The following APOLD1 variants were observed in gnomAD, a reference collection of about 807,000 sequenced individuals.
The protein encoded by APOLD1 is apolipoprotein L domain containing 1.
Under a neutral mutation model 15.3 loss-of-function variants are expected in APOLD1, and 22 were observed. The observed-to-expected ratio is 1.44, with a 90% confidence interval of 1.03 to 2.05. The LOEUF (loss-of-function observed/expected upper bound fraction) is 2.05, where lower values mean the gene tolerates loss of function less well. Ranked by LOEUF, APOLD1 falls within the 30% of genes most tolerant of loss-of-function variation. The pLI is 0.00. For missense variants in APOLD1, 394 were observed against 353.5 expected, an observed-to-expected ratio of 1.11 and a Z score of -0.92; for synonymous variants, 190 against 167.4, an observed-to-expected ratio of 1.13 and a Z score of -1.04.
chr12:12,776,020 A>AAAC (rs1947030833), intron 1 of APOLD1, among the ~76,000 whole-genome samples: 1 of 150,860 alleles, frequency 6.6e-6, no homozygotes, highest in African/African-American at 2.4e-5. Flanking sequence ...AAAAAAAAAA[A>AAAC]AAAAAACACA....
In APOLD1 at chr12:12,769,072, A is replaced by T. The variant is rs1218443228; in HGVS notation, c.97-17837A>T. Among the ~76,000 whole-genome samples the T allele has an allele frequency of 5.3e-5, 8 of 151,746 alleles. No homozygotes were observed. The South Asian group carries it at 1.5e-3, about 28-fold the overall frequency. ...GCAAAACCCCATCTTTACCAACTATACAAAAATTAGCCAGTCGTGGTGGCA... is the reference window on the plus strand; with the variant it reads ...GCAAAACCCCATCTTTACCAACTATTCAAAAATTAGCCAGTCGTGGTGGCA... On this transcript the variant is annotated intron_variant, in intron 1 of 1. Coordinates refer to the APOLD1 transcript ENST00000326765.
chr12:12,736,307 C>T (rs1056844669), intron 1 of APOLD1, among the ~76,000 whole-genome samples: 87 of 152,118 alleles, frequency 5.7e-4, no homozygotes, highest in African/African-American at 2.0e-3. Flanking sequence ...GCCAAGATCA[C>T]GCCACTGCAC....
chr12:12,776,297 C>G (rs1366044400), intron 1 of APOLD1, among the ~76,000 whole-genome samples: 1 of 152,100 alleles, frequency 6.6e-6, no homozygotes, highest in Non-Finnish European at 1.5e-5. Flanking sequence ...TCTGTAGATA[C>G]AAAACAAGCA....
rs763049091 is a variant in APOLD1 at position 12,787,663 on chromosome 12, T to TC, written c.*16dup. 1.3e-6 allele frequency: 2 copies of TC among 1,572,040 alleles called. No homozygotes were observed. Among genetic ancestry groups the TC allele is most frequent in the South Asian group, 2.3e-5 (2 of 87,598 alleles). On this transcript the variant is annotated 3_prime_UTR_variant, in exon 2 of 2. Transcript: ENST00000356591. This position sits in a 1 kb window ranked among gnomAD's most constrained non-coding sequence, Gnocchi z 4.9. ...GGGCTGTTTTTCTGAGAACATCCTT[T>TC]CCCCCTAATGACCGAGGCCAGCAAA...
intron 1 of APOLD1, chr12:12,764,781 G>A: frequency 2.3e-6 from 1 of 431,652 alleles, no homozygotes; most frequent in Non-Finnish European, 5.0e-6. Context: ...AGGTGGATGT[G>A]ATTCTCCATG....
intron 1 of APOLD1, among the ~76,000 whole-genome samples, chr12:12,755,306 AAATG>A (rs1393085572): frequency 6.6e-6 from 1 of 152,216 alleles, no homozygotes; most frequent in Non-Finnish European, 1.5e-5. Flanking sequence ...GAAGGATTCA[AAATG>A]AACAGCAATT....
At chr12:12,767,177 T>TGGA (rs746063334) in intron 1 of APOLD1, among the ~76,000 whole-genome samples, 12 of 151,664 alleles carry the variant, frequency 7.9e-5, no homozygotes, top group Non-Finnish European at 1.8e-4. Flanking sequence ...ATTTGGGAGG[T>TGGA]GGAGGTTGCA....
intron 1 of APOLD1, among the ~76,000 whole-genome samples, chr12:12,774,492 G>A (rs548513072): frequency 7.8e-6 from 1 of 128,772 alleles, no homozygotes. Flanking sequence ...GTTGCAGTGA[G>A]CTAAGATCAC....
chr12:12,761,826 TGTATAGAGAGAG>T (rs1406074895), intron 1 of APOLD1, among the ~76,000 whole-genome samples: 7 of 25,992 alleles, frequency 2.7e-4, no homozygotes, highest in African/African-American at 6.1e-4. Context: ...TATATGTATA[TGTATAGAGAGAG>T]AGAGAGAGAG....
At chr12:12,777,895 T>G (rs1460739932) in intron 1 of APOLD1, among the ~76,000 whole-genome samples, 3 of 9,206 alleles carry the variant, frequency 3.3e-4, no homozygotes, top group African/African-American at 5.7e-4. Flanking sequence ...AGGTGTTTTT[T>G]TTTTTTTTTT....
chr12:12,747,894 A>C (rs551917877), intron 1 of APOLD1, among the ~76,000 whole-genome samples: 1 of 152,306 alleles, frequency 6.6e-6, no homozygotes, highest in Non-Finnish European at 1.5e-5. Flanking sequence ...TGTGCCGGAC[A>C]TGTTAATCTT....
intron 1 of APOLD1, among the ~76,000 whole-genome samples, chr12:12,739,199 T>C (rs2136372418): frequency 6.6e-6 from 1 of 152,356 alleles, no homozygotes; most frequent in Middle Eastern, 3.4e-3. Context: ...CTGAATTTTG[T>C]TTCTTTTTCC....
intron 1 of APOLD1, among the ~76,000 whole-genome samples, chr12:12,757,726 A>T (rs1355996589): frequency 2.0e-5 from 3 of 151,678 alleles, no homozygotes. Context: ...CAATTCACTT[A>T]TTTAAGGGGT....
chr12:12,758,629 C>T (rs1235746470), intron 1 of APOLD1, among the ~76,000 whole-genome samples: 1 of 152,152 alleles, frequency 6.6e-6, no homozygotes, highest in African/African-American at 2.4e-5. Context: ...ATTGAATGAA[C>T]AGAAACATTC....
chr12:12,743,351 A>G (rs555503177), intron 1 of APOLD1, among the ~76,000 whole-genome samples: 1 of 152,094 alleles, frequency 6.6e-6, no homozygotes, highest in South Asian at 2.1e-4. Context: ...TGGGCAACAT[A>G]GTGAGACCCC....
chr12:12,737,820 G>A (rs115563264), intron 1 of APOLD1, among the ~76,000 whole-genome samples: 4,824 of 152,242 alleles, frequency 0.032, 153 homozygotes, highest in African/African-American at 0.07. Context: ...TGGGAATGTG[G>A]CTGCACGATA....
intron 1 of APOLD1, among the ~76,000 whole-genome samples, chr12:12,745,354 C>G (rs376321136): frequency 6.6e-6 from 1 of 152,032 alleles, no homozygotes; most frequent in East Asian, 1.9e-4. Context: ...CCAGCCTGGC[C>G]ACTAAACTCT....
At chr12:12,753,548 A>G (rs529749589) in intron 1 of APOLD1, among the ~76,000 whole-genome samples, 1 of 152,060 alleles carries the variant, frequency 6.6e-6, no homozygotes, top group Non-Finnish European at 1.5e-5. Flanking sequence ...GTGTGCCTGT[A>G]ATCCCAGCTA....
intron 1 of APOLD1, among the ~76,000 whole-genome samples, chr12:12,779,668 C>T (rs181198780): frequency 5.3e-4 from 80 of 152,208 alleles, no homozygotes; most frequent in African/African-American, 1.5e-3. Flanking sequence ...CAGTGAAAAA[C>T]CTGGAAGCAA....
Sources: gnomAD v4.1 joint callset for allele counts (sites outside exome capture counted in the v4.1 genomes callset) on GRCh38, gnomAD v4.1.1 for gene constraint, Gnocchi (gnomAD v3.1) non-coding constraint, MANE v1.5 for transcripts, NCBI Gene and HGNC (gene_info 2026-07-23, HGNC 2026-07-21) for gene names.